The following PTGIS variants were observed in gnomAD, a reference collection of about 807,000 sequenced individuals.
The protein encoded by PTGIS is prostaglandin I2 synthase, also known as prostacyclin synthase.
In PTGIS, 45 loss-of-function variants were observed where a neutral mutation model predicts 50.3. The observed-to-expected ratio is 0.90, with a 90% CI of 0.70 to 1.15. The LOEUF is 1.15. PTGIS is among the 50% of genes most tolerant of loss of function. PTGIS has a pLI of 0.00. For synonymous variants in PTGIS, 260 were observed against 267.7 expected, an observed-to-expected ratio of 0.97 and a Z score of 0.28; for missense variants, 668 against 661.3, an observed-to-expected ratio of 1.01 and a Z score of -0.11.
At chr20:49,548,125 AAC>A in intron 2 of PTGIS, 106 bp from the exon 3 acceptor site, 1 of 1,034,552 alleles carries the variant, frequency 9.7e-7, no homozygotes, top group East Asian at 2.5e-5. Context: ...ACTGGACAGT[AAC>A]ACACTATGTT....
In PTGIS at chr20:49,507,760, C is replaced by G; in HGVS notation, c.*160G>C. ...GTCTTTTCTTTGTTCACCCTCTTAG[C>G]TTTTCCCTCCCCTGGACCCAGCCTT... On this transcript the variant is annotated 3_prime_UTR_variant, in exon 10 of 10. Transcript: ENST00000244043. 2.0e-6 allele frequency: 2 copies of G among 976,572 alleles called. No homozygotes were observed. Among genetic ancestry groups the G allele is most frequent in the South Asian group, 2.9e-5 (2 of 69,650 alleles). The allele number at this position is 976,572 out of a possible 1,614,324, so 60.5% of individuals were successfully genotyped here. A position where few individuals can be genotyped will look rare whatever the true frequency, so the allele number is the denominator to read the frequency against.
At chr20:49,529,850 C>T (rs1395722833) in intron 5 of PTGIS, among the ~76,000 whole-genome samples, 3 of 152,132 alleles carry the variant, frequency 2.0e-5, no homozygotes, top group African/African-American at 4.8e-5. Context: ...TACTGTGCCT[C>T]ATTTATAAAT....
intron 6 of PTGIS, among the ~76,000 whole-genome samples, chr20:49,520,844 A>C (rs1018880639): frequency 2.0e-5 from 3 of 151,906 alleles, no homozygotes; most frequent in African/African-American, 7.3e-5. Context: ...TCTACAAAAA[A>C]AATAAGGTAG....
At chr20:49,517,625 T>C (rs1981521750) in intron 6 of PTGIS, among the ~76,000 whole-genome samples, 1 of 152,220 alleles carries the variant, frequency 6.6e-6, no homozygotes, top group Non-Finnish European at 1.5e-5. Flanking sequence ...CCAAAAGCAG[T>C]GCCACCCCTG....
intron 2 of PTGIS, among the ~76,000 whole-genome samples, chr20:49,549,747 T>C (rs1423404501): frequency 3.3e-5 from 5 of 151,942 alleles, no homozygotes; most frequent in Admixed American, 1.3e-4. Flanking sequence ...GATGGGAAGA[T>C]GGATGTTGAA....
chr20:49,548,439 AATGGATGG>A (rs1412197257), intron 2 of PTGIS, among the ~76,000 whole-genome samples: 1 of 151,926 alleles, frequency 6.6e-6, no homozygotes, highest in Admixed American at 6.6e-5. Flanking sequence ...TGGATGGATG[AATGGATGG>A]ATGAATGGAT....
chr20:49,540,873 A>ACCCTC lies in PTGIS; in HGVS notation c.522-1157_522-1153dup, dbSNP rs1982209273. ...CAAAGCCCCGGGGCCTCACCCTCTC[A>ACCCTC]CCCTCCCCTTGAGCTCCTGGATCCC... On this transcript the variant is annotated intron_variant, in intron 4 of 9. Coordinates refer to ENST00000244043, the MANE Select transcript of PTGIS (RefSeq NM_000961.4). This position sits in a 1 kb window ranked among gnomAD's most constrained non-coding sequence, Gnocchi z 4.8. Among the ~76,000 whole-genome samples, 5 of 151,704 alleles carry ACCCTC rather than the reference A, an allele frequency of 3.3e-5. No homozygotes were observed. Among genetic ancestry groups the ACCCTC allele is most frequent in the Admixed American group, 3.3e-4 (5 of 15,234 alleles).
At chr20:49,512,914 G>A (rs891734803) in intron 8 of PTGIS, among the ~76,000 whole-genome samples, 166 bp downstream of exon 8, 7 of 152,260 alleles carry the variant, frequency 4.6e-5, no homozygotes, top group Middle Eastern at 3.4e-3. Context: ...CTATTATGAG[G>A]TCCATTTCAC....
At chr20:49,544,171 C>T (rs1256045885) in intron 4 of PTGIS, 134 bp downstream of exon 4, 1 of 1,212,044 alleles carries the variant, frequency 8.3e-7, no homozygotes, top group Non-Finnish European at 1.1e-6. Context: ...GTCTTTCCTA[C>T]AGTCTTTGCT....
chr20:49,560,549 A>G (rs370448425), intron 1 of PTGIS, among the ~76,000 whole-genome samples: 4 of 152,130 alleles, frequency 2.6e-5, no homozygotes, highest in East Asian at 3.9e-4. Context: ...CATTAAAGAA[A>G]AAAGAAAACA....
At chr20:49,538,128 G>A (rs1424039380) in intron 5 of PTGIS, among the ~76,000 whole-genome samples, 6 of 151,272 alleles carry the variant, frequency 4.0e-5, no homozygotes, top group African/African-American at 1.5e-4. Flanking sequence ...AGTGGCATAT[G>A]CCTGTAGTCC....
intron 1 of PTGIS, among the ~76,000 whole-genome samples, chr20:49,565,436 C>T (rs1207016716): frequency 6.6e-6 from 1 of 151,978 alleles, no homozygotes; most frequent in Non-Finnish European, 1.5e-5. Flanking sequence ...TGGGAGGCTG[C>T]GGTGGGAGGA....
Position 49,540,379 on chromosome 20 carries a change from G to A in PTGIS, c.522-658C>T, listed in dbSNP as rs151313463. On this transcript the variant is annotated intron_variant, in intron 4 of 9. Coordinates refer to ENST00000244043, the MANE Select transcript of PTGIS (RefSeq NM_000961.4). The surrounding 1 kb of genome is among the most constrained non-coding windows in gnomAD (Gnocchi z 4.8). ...GGAACGTGTTCAGGCAACAGGCACA[G>A]CCTGTGCAAAGGCCCAGAGCTGAGA... 2.0e-5 allele frequency among the ~76,000 whole-genome samples: 3 copies of A among 152,296 alleles called. No homozygotes were observed. Among genetic ancestry groups the A allele is most frequent in the Admixed American group, 1.3e-4 (2 of 15,304 alleles).
chr20:49,517,016 C>T (rs1981498792), intron 6 of PTGIS, among the ~76,000 whole-genome samples: 1 of 152,210 alleles, frequency 6.6e-6, no homozygotes, highest in African/African-American at 2.4e-5. Context: ...ATTGCCACCT[C>T]CTGGGTGGAC....
chr20:49,527,964 C>T (rs371765505), intron 5 of PTGIS, among the ~76,000 whole-genome samples: 14 of 151,854 alleles, frequency 9.2e-5, no homozygotes, highest in African/African-American at 2.9e-4. Context: ...GGTGAAACCC[C>T]GTCTCTACTA....
At chr20:49,522,058 G>A (rs1053489879) in intron 6 of PTGIS, among the ~76,000 whole-genome samples, 6 of 151,302 alleles carry the variant, frequency 4.0e-5, no homozygotes, top group East Asian at 1.9e-4. Context: ...CCCCCATCTC[G>A]CCCAGAGAAA....
At chr20:49,548,465 T>C (rs1982421841) in intron 2 of PTGIS, among the ~76,000 whole-genome samples, 1 of 151,936 alleles carries the variant, frequency 6.6e-6, no homozygotes, top group South Asian at 2.1e-4. Flanking sequence ...GATAGATGGA[T>C]GGATGGTTGG....
At chr20:49,522,896 C>T (rs1038002134) in intron 6 of PTGIS, among the ~76,000 whole-genome samples, 1 of 151,918 alleles carries the variant, frequency 6.6e-6, no homozygotes, top group African/African-American at 2.4e-5. Flanking sequence ...TGGTGGCATG[C>T]GCCTGTAGTC....
At chr20:49,512,621 C>T (rs1438164121) in intron 8 of PTGIS, among the ~76,000 whole-genome samples, 1 of 152,210 alleles carries the variant, frequency 6.6e-6, no homozygotes, top group Non-Finnish European at 1.5e-5. Context: ...TTCTCAAAGT[C>T]TGGGGCAAGG....
Sources: allele counts gnomAD v4.1 joint callset (sites outside exome capture counted in the v4.1 genomes callset), GRCh38; gene constraint gnomAD v4.1.1; non-coding constraint Gnocchi (gnomAD v3.1); transcripts MANE v1.5; gene names NCBI Gene and HGNC (gene_info 2026-07-23, HGNC 2026-07-21).